Variants in LCORL observed in about 807,000 individuals in gnomAD.
LCORL encodes the protein ligand dependent nuclear receptor corepressor like.
LCORL carries 41 observed loss-of-function variants against 141.8 expected under a neutral mutation model. The observed-to-expected ratio is 0.29, with a 90% CI of 0.23 to 0.38. The LOEUF is 0.38. Ranked by LOEUF, LCORL falls within the 10% of genes least tolerant of loss-of-function variation. The pLI is 1.00. For synonymous variants in LCORL, 618 were observed against 694.1 expected, an observed-to-expected ratio of 0.89 and a Z score of 1.72; for missense variants, 1,759 against 2,035.0, an observed-to-expected ratio of 0.86 and a Z score of 2.61.
Position 17,884,549 on chromosome 4 carries a change from G to A in LCORL, c.776+1519C>T, listed in dbSNP as rs1728034470. On this transcript the variant is annotated intron_variant, in intron 6 of 7. Coordinates refer to ENST00000635767, the Ensembl canonical transcript of LCORL. The surrounding 1 kb of genome is among the most constrained non-coding windows in gnomAD (Gnocchi z 4.4). Reference sequence around the variant, plus strand: ...TGAATAACTATCATGGAAATCTCGAGTTTTGTTTTTAAAAGATGCAGGCTT... The same window carrying A: ...TGAATAACTATCATGGAAATCTCGAATTTTGTTTTTAAAAGATGCAGGCTT... 2 of 1,535,120 alleles carry A rather than the reference G, an allele frequency of 1.3e-6. No individual in the cohort carries two copies. Among genetic ancestry groups the A allele is most frequent in the Admixed American group, 4.4e-5 (2 of 45,970 alleles).
chr4:17,957,616 A>T (rs953230967), intron 4 of LCORL, among the ~76,000 whole-genome samples: 1 of 151,992 alleles, frequency 6.6e-6, no homozygotes, highest in Non-Finnish European at 1.5e-5. Context: ...ATGGACTTGC[A>T]AATAAAAGGG....
At chr4:17,921,889 C>T (rs567307242) in intron 4 of LCORL, among the ~76,000 whole-genome samples, 39 of 152,156 alleles carry the variant, frequency 2.6e-4, no homozygotes, top group Non-Finnish European at 4.4e-4. Context: ...ATCCTTCTCT[C>T]GCGCTGGATG....
intron 2 of LCORL, among the ~76,000 whole-genome samples, chr4:17,970,104 G>A (rs1715651659): frequency 1.3e-5 from 2 of 152,132 alleles, no homozygotes; most frequent in African/African-American, 4.8e-5. Flanking sequence ...ATACAAAAGA[G>A]AGAAGGATCC....
intron 1 of LCORL, among the ~76,000 whole-genome samples, chr4:17,994,112 T>C (rs946496036): frequency 1.3e-5 from 2 of 152,156 alleles, no homozygotes; most frequent in Admixed American, 6.5e-5. Flanking sequence ...AACAAAGACT[T>C]AGAGAAGATC....
chr4:17,880,254 C>G lies in LCORL; in HGVS notation c.777-2041G>C, dbSNP rs1727382555. On this transcript the variant is annotated intron_variant, in intron 6 of 7. Coordinates refer to ENST00000635767, the Ensembl canonical transcript of LCORL. ...ACTTCACAATATGCTTATTTGGCTT[C>G]AAACATTCTCCCCCATATTTCTTGC... The G allele has an allele frequency of 2.7e-5, 5 of 182,536 alleles. No individual in the cohort carries two copies. The South Asian group carries it at 9.3e-4, about 34-fold the overall frequency. The allele number at this position is 182,536 out of a possible 1,614,324, so 11.3% of individuals were successfully genotyped here.
intron 4 of LCORL, among the ~76,000 whole-genome samples, chr4:17,914,645 A>T (rs2109347665): frequency 6.6e-6 from 1 of 152,322 alleles, no homozygotes; most frequent in East Asian, 1.9e-4. Flanking sequence ...ATAACTACAA[A>T]AAAGCAAATA....
chr4:17,924,335 T>C (rs1446586244), intron 4 of LCORL, among the ~76,000 whole-genome samples: 1 of 152,114 alleles, frequency 6.6e-6, no homozygotes, highest in Non-Finnish European at 1.5e-5. Context: ...ACGAACAAAG[T>C]GACCATGGTG....
At chr4:17,876,000 G>C (rs1231956848) in exon 7 of LCORL, 18 of 1,230,986 alleles carry the variant, frequency 1.5e-5, no homozygotes, top group Non-Finnish European at 1.6e-5. Context: ...TACGTGATGG[G>C]TTGTAGGTTT....
chr4:17,934,765 G>C (rs549200501), intron 4 of LCORL, among the ~76,000 whole-genome samples: 1 of 152,268 alleles, frequency 6.6e-6, no homozygotes, highest in East Asian at 1.9e-4. Flanking sequence ...CAACTACAGA[G>C]CACCTTCATC....
At chr4:17,951,999 A>T (rs1739796793) in intron 4 of LCORL, among the ~76,000 whole-genome samples, 1 of 152,198 alleles carries the variant, frequency 6.6e-6, no homozygotes, top group African/African-American at 2.4e-5. Flanking sequence ...AACTGGGAAA[A>T]ATATCATTAA....
chr4:18,006,813 A>G (rs541634503), intron 1 of LCORL, among the ~76,000 whole-genome samples: 4 of 152,302 alleles, frequency 2.6e-5, no homozygotes, highest in African/African-American at 9.6e-5. Flanking sequence ...ATTCAAGATG[A>G]GATTTGGGTG....
At chr4:17,958,651 A>C (rs753456382) in intron 4 of LCORL, among the ~76,000 whole-genome samples, 5 of 152,024 alleles carry the variant, frequency 3.3e-5, no homozygotes, top group Non-Finnish European at 7.4e-5. Context: ...AAGGTTAACT[A>C]TATGTACGTA....
intron 2 of LCORL, among the ~76,000 whole-genome samples, chr4:17,963,903 T>C (rs1008736452): frequency 1.3e-5 from 2 of 152,090 alleles, no homozygotes; most frequent in Non-Finnish European, 2.9e-5. Context: ...TGTGACTGAT[T>C]TGAAAAACAC....
intron 7 of LCORL, among the ~76,000 whole-genome samples, chr4:17,851,679 T>C (rs1351948934): frequency 4.6e-5 from 7 of 151,640 alleles, no homozygotes; most frequent in Admixed American, 1.3e-4. Flanking sequence ...TGTTCAAGTA[T>C]ATCTATAGAG....
In LCORL at chr4:17,909,070, T is replaced by C. The variant is rs180782204; in HGVS notation, c.682+24A>G. On this transcript the variant is annotated intron_variant, in intron 5 of 7. Transcript: ENST00000635767. ...ACGATATAAAACATCAAATTATATA[T>C]TAAATGCACACAAAAAATCTTACCT... 4.9e-4 allele frequency: 767 copies of C among 1,561,490 alleles called. 5 individuals carry two copies. The African/African-American group carries it at 8.1e-3, about 17-fold the overall frequency.
chr4:17,901,072 A>G (rs528719374), intron 5 of LCORL, among the ~76,000 whole-genome samples: 3 of 151,642 alleles, frequency 2.0e-5, no homozygotes, highest in South Asian at 4.2e-4. Flanking sequence ...TCTTTTTTTT[A>G]AAAAAAATGT....
rs1003944933 is a variant in LCORL at position 17,898,864 on chromosome 4, G to A, written c.682+10230C>T. On this transcript the variant is annotated intron_variant, in intron 5 of 7. Transcript: ENST00000635767. ...CCTGAAATGGGATTGCTAGGTCAAAGGACAAACGCTTATAAAATGTAAGAT... is the reference window on the plus strand; with the variant it reads ...CCTGAAATGGGATTGCTAGGTCAAAAGACAAACGCTTATAAAATGTAAGAT... Among the ~76,000 whole-genome samples the A allele has an allele frequency of 1.4e-4, 22 of 152,214 alleles. 1 individual carries two copies. Among genetic ancestry groups the A allele is most frequent in the African/African-American group, 4.6e-4 (19 of 41,534 alleles).
intron 7 of LCORL, among the ~76,000 whole-genome samples, chr4:17,871,363 C>T (rs1029287776): frequency 5.9e-5 from 9 of 151,796 alleles, no homozygotes; most frequent in African/African-American, 2.2e-4. Flanking sequence ...AAAAACAGCT[C>T]TTCAAATGAT....
chr4:17,895,583 G>A (rs780575593), intron 5 of LCORL, among the ~76,000 whole-genome samples: 4 of 152,056 alleles, frequency 2.6e-5, no homozygotes, highest in South Asian at 2.1e-4. Context: ...GGTTGATCCC[G>A]TAATCTTGGC....
Sources: gnomAD v4.1 joint callset for allele counts (sites outside exome capture counted in the v4.1 genomes callset) on GRCh38, gnomAD v4.1.1 for gene constraint, Gnocchi (gnomAD v3.1) non-coding constraint, MANE v1.5 for transcripts, NCBI Gene and HGNC (gene_info 2026-07-23, HGNC 2026-07-21) for gene names.